LRRK2: variants seen among roughly 807,000 people sequenced by gnomAD.
LRRK2 encodes leucine rich repeat kinase 2.
In LRRK2, 203 loss-of-function variants were observed where a neutral mutation model predicts 302.6. That is an observed-to-expected ratio of 0.67 (90% CI 0.60 to 0.75). The LOEUF (loss-of-function observed/expected upper bound fraction) is 0.75. Among genes scored for constraint, LRRK2 ranks in the 30% least tolerant of loss-of-function variants. The pLI, the probability that LRRK2 is intolerant of heterozygous loss-of-function variation, is 0.00. For missense variants in LRRK2, 2,830 were observed against 2,951.0 expected, an observed-to-expected ratio of 0.96 and a Z score of 0.95; for synonymous variants, 1,066 against 1,031.9, an observed-to-expected ratio of 1.03 and a Z score of -0.63.
At chr12:40,362,660 C>T (rs1946750298) in intron 47 of LRRK2, among the ~76,000 whole-genome samples, 1 of 151,938 alleles carries the variant, frequency 6.6e-6, no homozygotes, top group South Asian at 2.1e-4. Flanking sequence ...GGGAAGAAAT[C>T]CAGAGGAGCC....
At position 40,251,336 on chromosome 12, in the gene LRRK2, A is replaced by G; in HGVS notation, c.1063A>G (p.Lys355Glu). 1.2e-6 allele frequency: 2 copies of G among 1,614,032 alleles called. No individual in the cohort carries two copies. The highest frequency in any genetic ancestry group is 1.7e-6 in the Non-Finnish European group (2 of 1,179,920). The change falls in exon 9 of 51, where the codon AAA becomes GAA. Residue 355 changes from lysine to glutamate, a missense_variant. By Grantham distance (56) the Lys-to-Glu change is moderately conservative. Transcript: ENST00000298910. ...ATTGTTTTGGCTGGAAGCCTGTTAC[A>G]AAGCATTAACGTGGCATAGAAAGAA... ...DKLFWLEACY[K>E]ALTWHRKNKH...
Position 40,342,978 on chromosome 12 carries a change from T to C in LRRK2, c.6109+2524T>C, listed in dbSNP as rs1309105426. On this transcript the variant is annotated intron_variant, in intron 41 of 50. Transcript: ENST00000298910. ...AATCCTTAGGACCCTCTGACATATG[T>C]GCTATTATTATTTCTAGTCTATAGA... is the stretch of plus-strand genomic sequence containing the variant. Among the ~76,000 whole-genome samples the C allele has an allele frequency of 2.0e-5, 3 of 152,170 alleles. No homozygotes were observed. The East Asian group carries it at 5.8e-4, about 29-fold the overall frequency.
chr12:40,266,415 T>G (rs2136557464), intron 14 of LRRK2, among the ~76,000 whole-genome samples: 1 of 152,352 alleles, frequency 6.6e-6, no homozygotes, highest in East Asian at 1.9e-4. Flanking sequence ...TCATCATCAT[T>G]GGCCATCAGA....
At chr12:40,284,193 A>G in intron 19 of LRRK2, 60 bp downstream of exon 19, 1 of 1,464,894 alleles carries the variant, frequency 6.8e-7, no homozygotes, top group Non-Finnish European at 9.3e-7. Context: ...TTTTTAAGTC[A>G]CTAGTCTTTT....
rs757568632 is a variant in LRRK2, at chr12:40,259,615, T to C, written c.1543+11T>C. 6.2e-7 allele frequency: 1 copy of C among 1,612,756 alleles called. No individual in the cohort carries two copies. Among genetic ancestry groups the C allele is most frequent in the Non-Finnish European group, 8.5e-7 (1 of 1,179,018 alleles). On this transcript the variant is annotated intron_variant, in intron 13 of 50. Coordinates refer to ENST00000298910, the MANE Select transcript of LRRK2 (RefSeq NM_198578.4). ...ATTTTATAGTGCCTGGTAAGTTACA[T>C]AGTTGATTGTGGGAAGAGATAACAA...
intron 49 of LRRK2, 97 bp downstream of exon 49, chr12:40,365,147 A>G (rs1390616431): frequency 1.8e-6 from 2 of 1,135,798 alleles, no homozygotes; most frequent in East Asian, 2.5e-5. Flanking sequence ...TTCCAGTGTC[A>G]TATGGATGGT....
rs1190906971 is a variant in LRRK2 at position 40,321,168 on chromosome 12, C to T, written c.5150C>T (p.Pro1717Leu). The change falls in exon 35 of 51, where the codon CCT becomes CTT. Residue 1717 changes from proline to leucine, a missense_variant. Coordinates refer to ENST00000298910, the MANE Select transcript of LRRK2 (RefSeq NM_198578.4). ...RLINRLLEIS[P>L]YMLSGRERAL... ...ATCAATCGATTACTTGAGATTTCAC[C>T]TTACATGCTTTCAGGGAGAGGTAAG... 9.3e-6 allele frequency: 15 copies of T among 1,612,072 alleles called. No individual in the cohort carries two copies. The highest frequency in any genetic ancestry group is 1.3e-5 in the Non-Finnish European group (15 of 1,178,664).
chr12:40,250,087 C>T, intron 8 of LRRK2, 142 bp downstream of exon 8: 1 of 1,025,596 alleles, frequency 9.8e-7, no homozygotes, highest in East Asian at 2.6e-5. Context: ...GTAGAGGATA[C>T]TTTCAAGGAA....
intron 5 of LRRK2, 46 bp downstream of exon 5, chr12:40,238,149 G>A: frequency 6.4e-7 from 1 of 1,563,978 alleles, no homozygotes. Context: ...AAGAAAAAAA[G>A]GCTTATACTG....
chr12:40,320,365 A>G (rs1158343597), intron 34 of LRRK2, among the ~76,000 whole-genome samples, 190 bp downstream of exon 34: 1 of 152,122 alleles, frequency 6.6e-6, no homozygotes, highest in Admixed American at 6.6e-5. Flanking sequence ...TTAACAATAT[A>G]GTAAATCACT....
At position 40,269,780 on chromosome 12, in the gene LRRK2, G is replaced by A. The variant is rs551221226; in HGVS notation, c.1657-4803G>A. Among the ~76,000 whole-genome samples the A allele has an allele frequency of 3.3e-5, 5 of 152,152 alleles. No homozygotes were observed. In the East Asian group the frequency reaches 5.8e-4, roughly 18 times the overall value. On this transcript the variant is annotated intron_variant, in intron 14 of 50. Coordinates refer to ENST00000298910, the MANE Select transcript of LRRK2 (RefSeq NM_198578.4). ...GTACGAATGTATTTCCCAGGTATTCGTTTTTTCCTTCCTGTATGTTGACAC... is the reference window on the plus strand; with the variant it reads ...GTACGAATGTATTTCCCAGGTATTCATTTTTTCCTTCCTGTATGTTGACAC...
At chr12:40,236,825 C>T (rs1302193796) in intron 4 of LRRK2, among the ~76,000 whole-genome samples, 1 of 151,964 alleles carries the variant, frequency 6.6e-6, no homozygotes, top group African/African-American at 2.4e-5. Context: ...AGTCTTTAAC[C>T]ATGATTTAAT....
chr12:40,290,202 G>T (rs554712639), intron 20 of LRRK2, among the ~76,000 whole-genome samples: 1 of 151,906 alleles, frequency 6.6e-6, no homozygotes, highest in South Asian at 2.1e-4. Flanking sequence ...CCTTTATTTT[G>T]TTAATATGGT....
At position 40,294,873 on chromosome 12, in the gene LRRK2, T is replaced by C. The variant is rs760187413; in HGVS notation, c.2837T>C (p.Leu946Pro). The C allele has an allele frequency of 2.6e-6, 4 of 1,549,698 alleles. No individual in the cohort carries two copies. The highest frequency in any genetic ancestry group is 2.7e-6 in the Non-Finnish European group (3 of 1,125,800). The change falls in exon 22 of 51, where the codon CTG (leucine) becomes CCG (proline). Residue 946 changes from leucine to proline, a missense_variant. Leu to Pro is a moderately conservative substitution (Grantham distance 98). Coordinates refer to ENST00000298910, the MANE Select transcript of LRRK2 (RefSeq NM_198578.4). ...LGPIFDHEDL[L>P]KRKRKILSSD... Reference sequence around the variant, plus strand: ...CCCATTTTTGATCATGAAGATTTACTGAAGCGAAAAAGAAAAATATTATCT... The same window carrying C: ...CCCATTTTTGATCATGAAGATTTACCGAAGCGAAAAAGAAAAATATTATCT...
chr12:40,350,119 G>C (rs1180153821), intron 43 of LRRK2, among the ~76,000 whole-genome samples: 1 of 152,190 alleles, frequency 6.6e-6, no homozygotes, highest in Non-Finnish European at 1.5e-5. Flanking sequence ...AGGTGGAAAT[G>C]TGGACAGGTT....
intron 3 of LRRK2, 120 bp from the exon 4 acceptor site, chr12:40,235,506 C>A: frequency 1.4e-6 from 1 of 703,862 alleles, no homozygotes; most frequent in Non-Finnish European, 2.6e-6. Context: ...ACATGAGCTT[C>A]ACTACAGGGA....
At chr12:40,270,508 C>T (rs530415037) in intron 14 of LRRK2, among the ~76,000 whole-genome samples, 1 of 151,880 alleles carries the variant, frequency 6.6e-6, no homozygotes, top group East Asian at 1.9e-4. Flanking sequence ...ATTTGGACTC[C>T]TAAAAAAAGT....
At chr12:40,330,214 G>A (rs1273321852) in intron 39 of LRRK2, among the ~76,000 whole-genome samples, 1 of 152,168 alleles carries the variant, frequency 6.6e-6, no homozygotes, top group Non-Finnish European at 1.5e-5. Flanking sequence ...AGGTGTTTGT[G>A]AGGTAAATGT....
At chr12:40,268,937 A>G (rs983288672) in intron 14 of LRRK2, among the ~76,000 whole-genome samples, 3 of 152,186 alleles carry the variant, frequency 2.0e-5, no homozygotes, top group Non-Finnish European at 2.9e-5. Flanking sequence ...ATTTGGGAAA[A>G]GCAAAGAAAG....
Sources: gnomAD v4.1 joint callset for allele counts (sites outside exome capture counted in the v4.1 genomes callset) on GRCh38, gnomAD v4.1.1 for gene constraint, MANE v1.5 for transcripts, NCBI Gene and HGNC (gene_info 2026-07-23, HGNC 2026-07-21) for gene names.